RBM6: variants seen among roughly 807,000 people sequenced by gnomAD.
RBM6 encodes the protein RNA-binding protein 6.
In RBM6, 23 loss-of-function variants were observed where a neutral mutation model predicts 140.4. The observed-to-expected ratio is 0.16, with a 90% CI of 0.12 to 0.23. The LOEUF (loss-of-function observed/expected upper bound fraction) is 0.23. RBM6 is among the 10% of genes least tolerant of loss of function. RBM6 has a pLI of 1.00. For synonymous variants in RBM6, 439 were observed against 475.6 expected, an observed-to-expected ratio of 0.92 and a Z score of 1.00; for missense variants, 1,139 against 1,386.7, an observed-to-expected ratio of 0.82 and a Z score of 2.84.
At chr3:49,944,407 T>C (rs1456483762) in intron 1 of RBM6, among the ~76,000 whole-genome samples, 1 of 152,130 alleles carries the variant, frequency 6.6e-6, no homozygotes, top group Non-Finnish European at 1.5e-5. Flanking sequence ...TTGATGGACA[T>C]TTGGGTTGTT....
At chr3:50,012,315 T>C (rs1003363299) in intron 6 of RBM6, among the ~76,000 whole-genome samples, 4 of 152,144 alleles carry the variant, frequency 2.6e-5, no homozygotes, top group Admixed American at 2.6e-4. Context: ...CCCGAAGTGC[T>C]GGGATTACAG....
At chr3:50,021,208 AT>A (rs2087461283) in intron 6 of RBM6, among the ~76,000 whole-genome samples, 1 of 152,152 alleles carries the variant, frequency 6.6e-6, no homozygotes, top group Non-Finnish European at 1.5e-5. Context: ...TGCTGCTGTT[AT>A]TTTGATGCGT....
chr3:50,005,635 A>G (rs2086536401), intron 6 of RBM6, among the ~76,000 whole-genome samples: 1 of 152,168 alleles, frequency 6.6e-6, no homozygotes, highest in African/African-American at 2.4e-5. Flanking sequence ...ACTATCTGAA[A>G]CACTTTAGTA....
At chr3:49,956,832 A>AT (rs2108601495) in intron 1 of RBM6, among the ~76,000 whole-genome samples, 1 of 148,478 alleles carries the variant, frequency 6.7e-6, no homozygotes, top group Non-Finnish European at 1.5e-5. Context: ...TGCCCAGCTA[A>AT]TTTTGTATTT....
intron 1 of RBM6, among the ~76,000 whole-genome samples, chr3:49,944,915 C>T (rs563981642): frequency 2.3e-3 from 346 of 149,876 alleles, no homozygotes; most frequent in Non-Finnish European, 3.8e-3. Context: ...CTTGCTCTGT[C>T]GCCCAGGCTG....
intron 10 of RBM6, 41 bp from the exon 11 acceptor site, chr3:50,059,608 G>A: frequency 6.6e-7 from 1 of 1,525,242 alleles, no homozygotes; most frequent in South Asian, 1.2e-5. Context: ...TTGGGTTCTG[G>A]CATTTTCTGT....
chr3:50,058,131 G>A, intron 9 of RBM6, 128 bp downstream of exon 9: 1 of 1,189,652 alleles, frequency 8.4e-7, no homozygotes, highest in Non-Finnish European at 1.2e-6. Context: ...TGATGACAGA[G>A]GCCATTGCTG....
intron 1 of RBM6, among the ~76,000 whole-genome samples, chr3:49,959,015 G>A (rs1449670713): frequency 1.3e-5 from 2 of 151,734 alleles, no homozygotes; most frequent in Middle Eastern, 3.4e-3. Context: ...GGCTGGTGTC[G>A]AACTCCTGAC....
chr3:49,944,867 T>G (rs1230835454), intron 1 of RBM6, among the ~76,000 whole-genome samples: 1 of 150,350 alleles, frequency 6.7e-6, no homozygotes, highest in Non-Finnish European at 1.5e-5. Context: ...TAATTCTATG[T>G]GTAATTTTTT....
rs567886917 is a variant in RBM6, at chr3:50,023,190, C to A, written c.1557+23677C>A. Among the ~76,000 whole-genome samples, 83 of 152,242 alleles carry A rather than the reference C, an allele frequency of 5.5e-4. 1 individual carries two copies. The South Asian group carries it at 0.017, about 30-fold the overall frequency. On this transcript the variant is annotated intron_variant, in intron 6 of 20. Coordinates refer to ENST00000266022, the MANE Select transcript of RBM6 (RefSeq NM_005777.3). ...CAAGAATTTATCCCTCAGAATCTTTCACGTTCTTCCTCCTCCTTCTCCTCC... is the reference window on the plus strand; with the variant it reads ...CAAGAATTTATCCCTCAGAATCTTTAACGTTCTTCCTCCTCCTTCTCCTCC...
intron 1 of RBM6, among the ~76,000 whole-genome samples, chr3:49,946,848 G>A (rs922423131): frequency 1.6e-4 from 22 of 139,838 alleles, no homozygotes; most frequent in Non-Finnish European, 3.0e-4. Context: ...TTTCTGTTTC[G>A]TTTTTTTTTT....
intron 1 of RBM6, among the ~76,000 whole-genome samples, chr3:49,951,474 A>G (rs1023927762): frequency 1.3e-5 from 2 of 151,990 alleles, no homozygotes; most frequent in African/African-American, 4.8e-5. Context: ...GCATCAAGCA[A>G]TCTACCTTTT....
intron 6 of RBM6, among the ~76,000 whole-genome samples, chr3:50,037,906 C>G (rs1400265336): frequency 1.3e-5 from 2 of 151,276 alleles, no homozygotes; most frequent in African/African-American, 4.9e-5. Flanking sequence ...ACTGCACCCT[C>G]CACCTCCCAG....
chr3:50,058,138 G>A (rs899670939), intron 9 of RBM6, 135 bp downstream of exon 9: 2 of 1,151,514 alleles, frequency 1.7e-6, no homozygotes, highest in Non-Finnish European at 2.4e-6. Flanking sequence ...AGAGGCCATT[G>A]CTGTCTGTGG....
chr3:50,003,398 C>T (rs1450312082), intron 6 of RBM6, among the ~76,000 whole-genome samples: 1 of 151,686 alleles, frequency 6.6e-6, no homozygotes, highest in Non-Finnish European at 1.5e-5. Flanking sequence ...TGAGTCACCA[C>T]GATCTGCTTG....
In RBM6 at chr3:49,967,147, G is replaced by T. The variant is rs2084549654; in HGVS notation, c.45-323G>T. 2 of 944,874 alleles carry T rather than the reference G, an allele frequency of 2.1e-6. No homozygotes were observed. Among genetic ancestry groups the T allele is most frequent in the Non-Finnish European group, 2.6e-6 (2 of 769,402 alleles). 58.5% of individuals were successfully genotyped at this position (944,874 alleles called of 1,614,324 possible). ...GCTGTAGGAAATGGAAATTTTTGTA[G>T]TATGTCACCATTGTTAGCTTATTTG... is the stretch of plus-strand genomic sequence containing the variant. On this transcript the variant is annotated intron_variant, in intron 2 of 20. Coordinates refer to ENST00000266022, the MANE Select transcript of RBM6 (RefSeq NM_005777.3). This position sits in a 1 kb window ranked among gnomAD's most constrained non-coding sequence, Gnocchi z 4.0.
intron 1 of RBM6, among the ~76,000 whole-genome samples, chr3:49,949,056 T>C (rs2108578203): frequency 6.6e-6 from 1 of 151,192 alleles, no homozygotes; most frequent in South Asian, 2.1e-4. Flanking sequence ...GTCTCAAATT[T>C]CTGACCTTGT....
At chr3:49,966,323 C>G (rs1478314443) in intron 2 of RBM6, among the ~76,000 whole-genome samples, 1 of 152,186 alleles carries the variant, frequency 6.6e-6, no homozygotes, top group Non-Finnish European at 1.5e-5. Context: ...TGTTTTACTG[C>G]TGAATAACAG....
intron 6 of RBM6, among the ~76,000 whole-genome samples, chr3:50,017,060 A>G (rs1449116748): frequency 6.6e-6 from 1 of 152,066 alleles, no homozygotes; most frequent in African/African-American, 2.4e-5. Context: ...TCCTAGGCTC[A>G]AGTGATCCTC....
Sources: allele counts gnomAD v4.1 joint callset (sites outside exome capture counted in the v4.1 genomes callset), GRCh38; gene constraint gnomAD v4.1.1; non-coding constraint Gnocchi (gnomAD v3.1); transcripts MANE v1.5; gene names NCBI Gene and HGNC (gene_info 2026-07-23, HGNC 2026-07-21).